The following OR10V1 variants were observed in gnomAD, a reference collection of about 807,000 sequenced individuals.
OR10V1 encodes the protein olfactory receptor 10V1.
For synonymous variants in OR10V1, 139 were observed against 148.2 expected, an observed-to-expected ratio of 0.94 and a Z score of 0.45; for missense variants, 391 against 378.8, an observed-to-expected ratio of 1.03 and a Z score of -0.27.
rs499037 is a variant in OR10V1, at chr11:59,713,479, G to C, written c.367C>G (p.Gln123Glu). Residue 123 changes from glutamine (Q) to glutamate (E), a missense_variant, in exon 1 of 1, where the codon CAG becomes GAG. Transcript: ENST00000307552. ...CVLLVVMAYD[Q>E]FIAICHPLRY... is the part of the protein sequence containing the mutation. ...AGAGGGTGACAGATCGCTATAAACT[G>C]GTCATAAGCCATGACTACCAGCAGG... is the stretch of plus-strand genomic sequence containing the variant. 6.2e-7 allele frequency: 1 copy of C among 1,613,222 alleles called. No homozygotes were observed. Among genetic ancestry groups the C allele is most frequent in the African/African-American group, 1.3e-5 (1 of 74,876 alleles).
chr11:59,713,310 T>G lies in OR10V1; in HGVS notation c.536A>C (p.Tyr179Ser). The G allele has an allele frequency of 1.2e-6, 2 of 1,613,978 alleles. No homozygotes were observed. The highest frequency in any genetic ancestry group is 1.7e-6 in the Non-Finnish European group (2 of 1,179,994). ...GCGCATGACTGCAGGCATGTCACAG[T>G]AGAAGTGGTAGATCTCATCATTGTG... ...FCHNDEIYHF[Y>S]CDMPAVMRLA... The change falls in exon 1 of 1, where the codon TAC (tyrosine) becomes TCC (serine). Residue 179 changes from tyrosine to serine, a missense_variant. Transcript: ENST00000307552.
rs1324600554 is a variant in OR10V1, at chr11:59,713,140, G to A, written c.706C>T (p.Gln236Ter). 3 of 1,614,060 alleles carry A rather than the reference G, an allele frequency of 1.9e-6. No homozygotes were observed. In the Admixed American group the frequency reaches 5.0e-5, roughly 27 times the overall value. ...GAAGAGCAGGTAGAGTAGGCTTGCT[G>A]GCGCCCTTCTGCTGACCGGATCCGT... ...ILRIRSAEGR[Q>*]QAYSTCSSHI... The change falls in exon 1 of 1, where the codon CAG becomes TAG. Residue 236 changes from glutamine (Q) to a stop codon, truncating the protein, a stop_gained. Transcript: ENST00000307552. LOFTEE classifies it low-confidence loss of function (END_TRUNC).
At position 59,713,835 on chromosome 11, in the gene OR10V1, A is replaced by G; in HGVS notation, c.11T>C (p.Ile4Thr). Residue 4 changes from isoleucine to threonine, a missense_variant, in exon 1 of 1, where the codon ATA becomes ACA. Physicochemically the swap from Ile to Thr is moderately conservative, Grantham distance 89. Coordinates refer to ENST00000307552, the MANE Select transcript of OR10V1 (RefSeq NM_001005324.1). MEG[I>T]NKTAKMQFFF... ...AAACTGCATCTTTGCAGTTTTATTT[A>G]TTCCTTCCATGAGTAGAGTATTGGA... 6.2e-7 allele frequency: 1 copy of G among 1,608,658 alleles called. No homozygotes were observed. The highest frequency in any genetic ancestry group is 8.5e-7 in the Non-Finnish European group (1 of 1,176,826).
Position 59,713,061 on chromosome 11 carries a change from G to A in OR10V1, c.785C>T (p.Ser262Phe). ...CTCAGGAGAGTAGCTGGAACTGGGGGACAAGTATATAAAGCTGGTGCAGCC... is the reference window on the plus strand; with the variant it reads ...CTCAGGAGAGTAGCTGGAACTGGGGAACAAGTATATAAAGCTGGTGCAGCC... ...QYGCTSFIYLSPSSSYSPEMG... is the reference protein window; with the variant it reads ...QYGCTSFIYLFPSSSYSPEMG... The change falls in exon 1 of 1, where the codon TCC becomes TTC. Residue 262 changes from serine (S) to phenylalanine (F), a missense_variant. By Grantham distance (155) the Ser-to-Phe change is radical. Transcript: ENST00000307552. 2.5e-6 allele frequency: 4 copies of A among 1,614,146 alleles called. No homozygotes were observed. The highest frequency in any genetic ancestry group is 3.4e-6 in the Non-Finnish European group (4 of 1,180,014).
rs748401255 is a variant in OR10V1, at chr11:59,713,430, C to A, written c.416G>T (p.Trp139Leu). Residue 139 changes from tryptophan (W) to leucine (L), a missense_variant, in exon 1 of 1, where the codon TGG (tryptophan) becomes TTG (leucine). Physicochemically the swap from Trp to Leu is moderately conservative, Grantham distance 61 (BLOSUM62 -2). Transcript: ENST00000307552. Reference protein sequence around the residue: ...HPLRYRLIMSWSLCVELLVGS... With the variant: ...HPLRYRLIMSLSLCVELLVGS... The stretch of plus-strand genomic sequence containing the variant: ...TACCAGCAGCTCCACACACAAGGAC[C>A]AGCTCATGATGAGCCTGTATCGCAG... The A allele has an allele frequency of 6.8e-6, 11 of 1,613,740 alleles. No homozygotes were observed. The highest frequency in any genetic ancestry group is 9.3e-6 in the Non-Finnish European group (11 of 1,179,876).
Position 59,712,945 on chromosome 11 carries a change from C to T in OR10V1, c.901G>A (p.Ala301Thr), listed in dbSNP as rs776282199. ...YSLRNKELKD[A>T]LRKALRKF is the part of the protein sequence containing the mutation. ...AATTTTCTCAATGCTTTCCTTAGGGCATCTTTCAGTTCCTTGTTCCTCAAA... is the reference window on the plus strand; with the variant it reads ...AATTTTCTCAATGCTTTCCTTAGGGTATCTTTCAGTTCCTTGTTCCTCAAA... The change falls in exon 1 of 1, where the codon GCC becomes ACC. Residue 301 changes from alanine (A) to threonine (T), a missense_variant. Transcript: ENST00000307552. 1 of 1,613,410 alleles carries T rather than the reference C, an allele frequency of 6.2e-7. No individual in the cohort carries two copies. Among genetic ancestry groups the T allele is most frequent in the Non-Finnish European group, 8.5e-7 (1 of 1,179,574 alleles).
rs765002747 is a variant in OR10V1, at chr11:59,713,682, AG to A, written c.163del (p.Leu55SerfsTer15). 2 of 1,614,128 alleles carry A rather than the reference AG, an allele frequency of 1.2e-6. No individual in the cohort carries two copies. The highest frequency in any genetic ancestry group is 2.2e-5 in the South Asian group (2 of 91,080). The part of the protein sequence containing the change: ...IAVIVQINHS[L>X]HTPMYFFLAN... ...CAGGAAAAAGTACATGGGGGTGTGG[AG>A]GGAATGATTGATCTGAACAATGACT... On this transcript the variant is annotated frameshift_variant, in exon 1 of 1. Transcript: ENST00000307552. LOFTEE classifies it low-confidence loss of function (END_TRUNC).
At position 59,713,030 on chromosome 11, in the gene OR10V1, G is replaced by A. The variant is rs371550525; in HGVS notation, c.816C>T (p.Gly272=). 5 of 1,613,928 alleles carry A rather than the reference G, an allele frequency of 3.1e-6. No individual in the cohort carries two copies. Among genetic ancestry groups the A allele is most frequent in the Non-Finnish European group, 4.2e-6 (5 of 1,179,942 alleles). The part of the protein sequence containing the change: ...SPSSSYSPEM[G]RVVSVAYTFI... ...ATGTGTAGGCCACAGATACCACCCG[G>A]CCCATCTCAGGAGAGTAGCTGGAAC... The change falls in exon 1 of 1, where the codon GGC becomes GGT. Residue 272 remains glycine, a synonymous_variant. Coordinates refer to ENST00000307552, the MANE Select transcript of OR10V1 (RefSeq NM_001005324.1).
Position 59,713,195 on chromosome 11 carries a change from G to A in OR10V1, c.651C>T (p.Ile217=). The change falls in exon 1 of 1, where the codon ATC becomes ATT. Residue 217 remains isoleucine (I), a synonymous_variant. Transcript: ENST00000307552. ...VLSIPLSLIS[I]SYVFIVVAIL... ...TGGCTACCACGATGAAGACATAGGA[G>A]ATGGAGATCAATGAGAGGGGGATGC... The A allele has an allele frequency of 1.2e-6, 2 of 1,614,174 alleles. No individual in the cohort carries two copies. The highest frequency in any genetic ancestry group is 1.7e-6 in the Non-Finnish European group (2 of 1,180,030).
At position 59,713,266 on chromosome 11, in the gene OR10V1, G is replaced by A. The variant is rs763994204; in HGVS notation, c.580C>T (p.Arg194Cys). ...ATATACAGAGCAGTCTTGTGAACGC[G>A]TGTGTCTGCACAAGCCAGGCGCATG... ...AVMRLACADT[R>C]VHKTALYIIS... The change falls in exon 1 of 1, where the codon CGC (arginine) becomes TGC (cysteine). Residue 194 changes from arginine (R) to cysteine (C), a missense_variant. By Grantham distance (180) the Arg-to-Cys change is radical. Coordinates refer to ENST00000307552, the MANE Select transcript of OR10V1 (RefSeq NM_001005324.1). 8.1e-6 allele frequency: 13 copies of A among 1,614,096 alleles called. No individual in the cohort carries two copies. Among genetic ancestry groups the A allele is most frequent in the South Asian group, 2.2e-5 (2 of 91,080 alleles).
chr11:59,712,947 T>A lies in OR10V1; in HGVS notation c.899A>T (p.Asp300Val). ...IYSLRNKELK[D>V]ALRKALRKF ...TTTTCTCAATGCTTTCCTTAGGGCA[T>A]CTTTCAGTTCCTTGTTCCTCAAACT... Residue 300 changes from aspartate to valine, a missense_variant, in exon 1 of 1, where the codon GAT (aspartate) becomes GTT (valine). Physicochemically the swap from Asp to Val is radical, Grantham distance 152. Transcript: ENST00000307552. 6.2e-7 allele frequency: 1 copy of A among 1,613,718 alleles called. No individual in the cohort carries two copies.
chr11:59,713,066 G>A lies in OR10V1; in HGVS notation c.780C>T (p.Tyr260=), dbSNP rs1056155965. The change falls in exon 1 of 1, where the codon TAC becomes TAT. Residue 260 remains tyrosine (Y), a synonymous_variant. Coordinates refer to ENST00000307552, the MANE Select transcript of OR10V1 (RefSeq NM_001005324.1). ...LLQYGCTSFI[Y]LSPSSSYSPE... is the part of the protein sequence containing the mutation. ...GAGAGTAGCTGGAACTGGGGGACAA[G>A]TATATAAAGCTGGTGCAGCCATACT... is the stretch of plus-strand genomic sequence containing the variant. The A allele has an allele frequency of 3.1e-6, 5 of 1,614,148 alleles. No homozygotes were observed. The highest frequency in any genetic ancestry group is 1.3e-5 in the African/African-American group (1 of 75,056).
In OR10V1 at chr11:59,713,695, T is replaced by A; in HGVS notation, c.151A>T (p.Ile51Phe). ...GNATIAVIVQ[I>F]NHSLHTPMYF... ...ATGGGGGTGTGGAGGGAATGATTGA[T>A]CTGAACAATGACTGCAATTGTAGCA... Residue 51 changes from isoleucine to phenylalanine, a missense_variant, in exon 1 of 1, where the codon ATC becomes TTC. Physicochemically the swap from Ile to Phe is conservative, Grantham distance 21 (BLOSUM62 0). Transcript: ENST00000307552. 6.2e-7 allele frequency: 1 copy of A among 1,614,112 alleles called. No individual in the cohort carries two copies. Among genetic ancestry groups the A allele is most frequent in the Non-Finnish European group, 8.5e-7 (1 of 1,180,010 alleles).
chr11:59,713,738 C>G lies in OR10V1; in HGVS notation c.108G>C (p.Leu36=), dbSNP rs1438252303. 6.2e-7 allele frequency: 1 copy of G among 1,614,064 alleles called. No homozygotes were observed. The highest frequency in any genetic ancestry group is 2.2e-5 in the East Asian group (1 of 44,872). ...TTGTAGCATTTCCACCGAGGCTGGT[C>G]AGATACATCATCAGGAAGACCACAA... The part of the protein sequence containing the change: ...LIFVVFLMMY[L]TSLGGNATIA... The change falls in exon 1 of 1, where the codon CTG becomes CTC. Residue 36 remains leucine, a synonymous_variant. Transcript: ENST00000307552.
At position 59,713,482 on chromosome 11, in the gene OR10V1, C is replaced by A; in HGVS notation, c.364G>T (p.Asp122Tyr). ...GGGTGACAGATCGCTATAAACTGGT[C>A]ATAAGCCATGACTACCAGCAGGACA... ...DCVLLVVMAY[D>Y]QFIAICHPLR... The change falls in exon 1 of 1, where the codon GAC (aspartate) becomes TAC (tyrosine). Residue 122 changes from aspartate to tyrosine, a missense_variant. Asp to Tyr is a radical substitution (Grantham distance 160). Transcript: ENST00000307552. 6.2e-7 allele frequency: 1 copy of A among 1,613,636 alleles called. No individual in the cohort carries two copies. The highest frequency in any genetic ancestry group is 1.1e-5 in the South Asian group (1 of 90,970).
In OR10V1 at chr11:59,713,272, C is replaced by T; in HGVS notation, c.574G>A (p.Asp192Asn). ...AGAGCAGTCTTGTGAACGCGTGTGT[C>T]TGCACAAGCCAGGCGCATGACTGCA... The part of the protein sequence containing the change: ...MPAVMRLACA[D>N]TRVHKTALYI... Residue 192 changes from aspartate to asparagine, a missense_variant, in exon 1 of 1, where the codon GAC (aspartate) becomes AAC (asparagine). Coordinates refer to ENST00000307552, the MANE Select transcript of OR10V1 (RefSeq NM_001005324.1). 2 of 1,614,164 alleles carry T rather than the reference C, an allele frequency of 1.2e-6. No homozygotes were observed. The highest frequency in any genetic ancestry group is 1.7e-6 in the Non-Finnish European group (2 of 1,180,018).
At position 59,713,090 on chromosome 11, in the gene OR10V1, C is replaced by T; in HGVS notation, c.756G>A (p.Gln252=). The change falls in exon 1 of 1, where the codon CAG becomes CAA. Residue 252 remains glutamine, a synonymous_variant. Transcript: ENST00000307552. The part of the protein sequence containing the change: ...CSSHILVVLL[Q]YGCTSFIYLS... ...AGTATATAAAGCTGGTGCAGCCATA[C>T]TGCAGGAGGACCACTAAGATGTGAG... The T allele has an allele frequency of 6.2e-7, 1 of 1,614,136 alleles. No individual in the cohort carries two copies. The highest frequency in any genetic ancestry group is 8.5e-7 in the Non-Finnish European group (1 of 1,180,014).
rs774513545 is a variant in OR10V1, at chr11:59,713,801, A to C, written c.45T>G (p.Arg15=). ...GGACCTCAGGGTCAGGTGAGAATGG[A>C]CGAAAGAAAAACTGCATCTTTGCAG... ...NKTAKMQFFF[R]PFSPDPEVQM... The change falls in exon 1 of 1, where the codon CGT becomes CGG. Residue 15 remains arginine (R), a synonymous_variant. Transcript: ENST00000307552. The C allele has an allele frequency of 6.2e-7, 1 of 1,613,674 alleles. No homozygotes were observed. The highest frequency in any genetic ancestry group is 8.5e-7 in the Non-Finnish European group (1 of 1,179,846).
In OR10V1 at chr11:59,713,356, T is replaced by A. The variant is rs1418846153; in HGVS notation, c.490A>T (p.Ile164Phe). ...TTGTGGCAGAATGGGAGATGGAAGA[T>A]TAAAATGGTGAGTGGCAGTGACAAC... ...FLLSLPLTIL[I>F]FHLPFCHNDE... The change falls in exon 1 of 1, where the codon ATC (isoleucine) becomes TTC (phenylalanine). Residue 164 changes from isoleucine (I) to phenylalanine (F), a missense_variant. By Grantham distance (21) the Ile-to-Phe change is conservative. Coordinates refer to ENST00000307552, the MANE Select transcript of OR10V1 (RefSeq NM_001005324.1). 1 of 1,613,698 alleles carries A rather than the reference T, an allele frequency of 6.2e-7. No homozygotes were observed. Among genetic ancestry groups the A allele is most frequent in the Admixed American group, 1.7e-5 (1 of 59,970 alleles).
Sources: gnomAD v4.1 joint callset for allele counts on GRCh38, gnomAD v4.1.1 for gene constraint, MANE v1.5 for transcripts, NCBI Gene and HGNC (gene_info 2026-07-23, HGNC 2026-07-21) for gene names.